The following WDR49 variants were observed in gnomAD, a reference collection of about 807,000 sequenced individuals.
WDR49 encodes the protein cilia- and flagella-associated protein 337.
In WDR49, 107 loss-of-function variants were observed where a neutral mutation model predicts 119.5. The observed-to-expected ratio is 0.90, with a 90% CI of 0.77 to 1.05. The LOEUF (loss-of-function observed/expected upper bound fraction) is 1.05, where lower values mean the gene tolerates loss of function less well. Among genes scored for constraint, WDR49 ranks in the 50% least tolerant of loss-of-function variants. The pLI is 0.00. For synonymous variants in WDR49, 425 were observed against 418.8 expected, an observed-to-expected ratio of 1.01 and a Z score of -0.18; for missense variants, 1,240 against 1,220.5, an observed-to-expected ratio of 1.02 and a Z score of -0.24.
At chr3:167,562,404 G>A (rs1346181208) in intron 8 of WDR49, among the ~76,000 whole-genome samples, 1 of 152,070 alleles carries the variant, frequency 6.6e-6, no homozygotes, top group Non-Finnish European at 1.5e-5. Flanking sequence ...TCTCAACAAA[G>A]AACTGATAAT....
At chr3:167,595,134 T>G (rs556344282) in intron 7 of WDR49, among the ~76,000 whole-genome samples, 2 of 151,932 alleles carry the variant, frequency 1.3e-5, no homozygotes, top group Non-Finnish European at 2.9e-5. Flanking sequence ...TCAAAGAGAA[T>G]AAAATACTTA....
At chr3:167,607,609 C>A (rs758547893) in intron 5 of WDR49, among the ~76,000 whole-genome samples, 11 of 152,138 alleles carry the variant, frequency 7.2e-5, no homozygotes, top group Non-Finnish European at 1.3e-4. Context: ...TGAGACTGAA[C>A]CCAGTCCTGT....
At chr3:167,603,731 G>A (rs756257375) in intron 6 of WDR49, among the ~76,000 whole-genome samples, 111 of 152,130 alleles carry the variant, frequency 7.3e-4, no homozygotes, top group Admixed American at 2.9e-3. Context: ...GCCTGAGAAA[G>A]GTTATATTTC....
chr3:167,502,884 T>C (rs2108211479), intron 17 of WDR49, among the ~76,000 whole-genome samples: 1 of 152,074 alleles, frequency 6.6e-6, no homozygotes, highest in South Asian at 2.1e-4. Flanking sequence ...AACAAACAAA[T>C]TTAAAAAAAG....
intron 17 of WDR49, 47 bp downstream of exon 17, chr3:167,505,260 C>G: frequency 7.2e-7 from 1 of 1,385,464 alleles, no homozygotes; most frequent in Non-Finnish European, 9.4e-7. Flanking sequence ...TCACACTAAT[C>G]TGTTAAATAA....
Position 167,604,346 on chromosome 3 carries a change from G to C in WDR49, c.1081C>G (p.Gln361Glu), listed in dbSNP as rs767113673. 2.5e-6 allele frequency: 4 copies of C among 1,613,722 alleles called. No individual in the cohort carries two copies. In the South Asian group the frequency reaches 4.4e-5, roughly 18 times the overall value. ...TGATAATCAAAAGCATGAATGCCCT[G>C]GGCAATGTTGAAGGATGTCATATTA... is the stretch of plus-strand genomic sequence containing the variant. ...RLNMTSFNIAQGIHAFDYHSR... is the reference protein window; with the variant it reads ...RLNMTSFNIAEGIHAFDYHSR... The change falls in exon 6 of 19, where the codon CAG (glutamine) becomes GAG (glutamate). Residue 361 changes from glutamine (Q) to glutamate (E), a missense_variant. Coordinates refer to ENST00000682715, the MANE Select transcript of WDR49 (RefSeq NM_001366157.1).
chr3:167,636,017 G>A (rs1225896877), intron 2 of WDR49, among the ~76,000 whole-genome samples: 1 of 151,576 alleles, frequency 6.6e-6, no homozygotes, highest in African/African-American at 2.4e-5. Flanking sequence ...TTGGTTACAT[G>A]AGTAAGTTTT....
chr3:167,591,580 C>T (rs1011798133), intron 7 of WDR49, among the ~76,000 whole-genome samples: 2 of 152,090 alleles, frequency 1.3e-5, no homozygotes, highest in South Asian at 2.1e-4. Flanking sequence ...TATCTGGGTG[C>T]TCCCGTTTTG....
chr3:167,589,619 G>A (rs1341286864), intron 7 of WDR49, among the ~76,000 whole-genome samples: 2 of 151,808 alleles, frequency 1.3e-5, no homozygotes, highest in African/African-American at 4.8e-5. Context: ...TTGCATTAAT[G>A]TTTTATACTT....
intron 10 of WDR49, among the ~76,000 whole-genome samples, chr3:167,550,778 T>TTTGA (rs772794375): frequency 2.8e-4 from 41 of 144,048 alleles, no homozygotes; most frequent in African/African-American, 9.7e-4. Context: ...TTTTTTTTTT[T>TTTGA]GAGAGAGAGA....
intron 5 of WDR49, among the ~76,000 whole-genome samples, chr3:167,609,012 A>C (rs923898645): frequency 6.6e-6 from 1 of 152,190 alleles, no homozygotes; most frequent in African/African-American, 2.4e-5. Context: ...TTAATGTGGG[A>C]AAGTGATTTG....
At chr3:167,586,599 A>G (rs1188493027) in intron 7 of WDR49, among the ~76,000 whole-genome samples, 4 of 152,196 alleles carry the variant, frequency 2.6e-5, no homozygotes, top group Admixed American at 6.5e-5. Context: ...CATTTTTTCT[A>G]ACTTAACCCC....
intron 18 of WDR49, among the ~76,000 whole-genome samples, chr3:167,488,930 C>T (rs1329445315): frequency 6.6e-6 from 1 of 152,098 alleles, no homozygotes; most frequent in Non-Finnish European, 1.5e-5. Flanking sequence ...GTTTCCTGTG[C>T]TTGGGACATT....
intron 9 of WDR49, among the ~76,000 whole-genome samples, chr3:167,555,038 T>G (rs939367813): frequency 6.6e-5 from 10 of 152,204 alleles, no homozygotes; most frequent in African/African-American, 2.4e-4. Context: ...GTATTTAGTA[T>G]GCTAATGACA....
At chr3:167,495,686 A>G (rs1751326558) in intron 18 of WDR49, among the ~76,000 whole-genome samples, 1 of 151,900 alleles carries the variant, frequency 6.6e-6, no homozygotes, top group Non-Finnish European at 1.5e-5. Flanking sequence ...CATTTGATAA[A>G]TTTCTATGAA....
At chr3:167,638,355 C>T (rs1253008232) in intron 2 of WDR49, among the ~76,000 whole-genome samples, 2 of 151,456 alleles carry the variant, frequency 1.3e-5, no homozygotes, top group East Asian at 3.9e-4. Flanking sequence ...TTTTGTCAGA[C>T]ATTTGGCATG....
At chr3:167,518,994 C>T (rs1394227712) in intron 16 of WDR49, among the ~76,000 whole-genome samples, 1 of 150,588 alleles carries the variant, frequency 6.6e-6, no homozygotes, top group Non-Finnish European at 1.5e-5. Context: ...CAAAAGAAGA[C>T]ATTTATGCAA....
At chr3:167,508,596 C>A (rs2108217251) in intron 16 of WDR49, among the ~76,000 whole-genome samples, 1 of 152,180 alleles carries the variant, frequency 6.6e-6, no homozygotes. Flanking sequence ...GTTCTAACAC[C>A]CCCCTACAGC....
chr3:167,560,021 A>G, intron 9 of WDR49, 43 bp downstream of exon 9: 1 of 1,597,942 alleles, frequency 6.3e-7, no homozygotes, highest in Non-Finnish European at 8.5e-7. Context: ...ATAGTATTTT[A>G]GTCTCCTCAT....
Sources: allele counts gnomAD v4.1 joint callset (sites outside exome capture counted in the v4.1 genomes callset), GRCh38; gene constraint gnomAD v4.1.1; transcripts MANE v1.5; gene names NCBI Gene and HGNC (gene_info 2026-07-23, HGNC 2026-07-21).